Variants in RBFOX1 observed in about 807,000 individuals in gnomAD.
RBFOX1 encodes RNA binding fox-1 homolog 1, also known as RNA binding protein fox-1 homolog 1.
A neutral mutation model predicts 57.7 loss-of-function variants in RBFOX1; 8 were observed. The observed-to-expected ratio is 0.14, with a 90% CI of 0.08 to 0.25. RBFOX1 has a LOEUF of 0.25. RBFOX1 is among the 10% of genes least tolerant of loss of function. The probability of loss-of-function intolerance (pLI) is 1.00; values close to 1 mark genes in which losing one functional copy is unlikely to be tolerated. For synonymous variants in RBFOX1, 326 were observed against 222.4 expected (o/e 1.47, Z -4.15); for missense variants, 611 against 548.5 (o/e 1.11, Z -1.14).
chr16:6,083,207 T>C (rs898471340), intron 1 of RBFOX1, among the ~76,000 whole-genome samples: 3 of 152,142 alleles, frequency 2.0e-5, no homozygotes, highest in African/African-American at 4.8e-5. Context: ...TTCACCATGA[T>C]GGCCAAGCTG....
At chr16:5,274,251 A>G (rs2063087299) in intron 1 of RBFOX1, among the ~76,000 whole-genome samples, 2 of 152,278 alleles carry the variant, frequency 1.3e-5, no homozygotes, top group Non-Finnish European at 2.9e-5. Context: ...TTAGGTGTTC[A>G]GGTGGGGTTG....
chr16:5,649,694 G>T (rs559346343), intron 3 of RBFOX1, among the ~76,000 whole-genome samples: 13 of 152,088 alleles, frequency 8.5e-5, no homozygotes, highest in Non-Finnish European at 1.8e-4. Flanking sequence ...CAATATCCAC[G>T]CACAAAGTAC....
chr16:6,963,057 C>T (rs2083354781), intron 3 of RBFOX1, among the ~76,000 whole-genome samples: 1 of 152,142 alleles, frequency 6.6e-6, no homozygotes. Flanking sequence ...GTGTGAACTG[C>T]CCAAGTCAAA....
chr16:6,986,084 T>C (rs1392671950), intron 3 of RBFOX1, among the ~76,000 whole-genome samples: 1 of 151,636 alleles, frequency 6.6e-6, no homozygotes, highest in Non-Finnish European at 1.5e-5. Context: ...AAATGTGCAA[T>C]ATTTTTTCAA....
intron 5 of RBFOX1, among the ~76,000 whole-genome samples, chr16:7,564,324 G>T (rs995703357): frequency 1.3e-5 from 2 of 151,372 alleles, no homozygotes; most frequent in African/African-American, 4.9e-5. Flanking sequence ...TAGATCGCGA[G>T]GTCAGGAGTT....
chr16:5,455,498 C>G (rs2068602257), intron 1 of RBFOX1, among the ~76,000 whole-genome samples: 2 of 152,162 alleles, frequency 1.3e-5, no homozygotes, highest in Non-Finnish European at 1.5e-5. Context: ...TTTTCAAAAC[C>G]ACCCCAAGGA....
intron 3 of RBFOX1, among the ~76,000 whole-genome samples, chr16:5,827,521 G>C (rs2056107918): frequency 6.6e-6 from 1 of 151,136 alleles, no homozygotes; most frequent in Non-Finnish European, 1.5e-5. Flanking sequence ...TCTACATCAA[G>C]ACTCCGCAAG....
intron 4 of RBFOX1, among the ~76,000 whole-genome samples, chr16:5,911,990 G>A (rs1203414852): frequency 6.6e-6 from 1 of 152,144 alleles, no homozygotes; most frequent in Non-Finnish European, 1.5e-5. Context: ...GAAATTTGGA[G>A]ACAGGAAGAC....
Position 5,429,395 on chromosome 16 carries a change from C to T in RBFOX1, c.220-37821C>T, listed in dbSNP as rs117549454. Among the ~76,000 whole-genome samples the T allele has an allele frequency of 6.4e-3, 979 of 152,282 alleles. 6 individuals carry two copies. The highest frequency in any genetic ancestry group is 0.012 in the Non-Finnish European group (789 of 68,024). ...TCAGAGGCTCAGGCCTTAGGCGGGA[C>T]TCGGGGGAGAGTGAGTTTCTGATTG... is the stretch of plus-strand genomic sequence containing the variant. On this transcript the variant is annotated intron_variant, in intron 1 of 2. Transcript: ENST00000585867.
At chr16:7,234,786 C>G (rs1238863581) in intron 4 of RBFOX1, among the ~76,000 whole-genome samples, 2 of 151,782 alleles carry the variant, frequency 1.3e-5, no homozygotes, top group Non-Finnish European at 2.9e-5. Context: ...AGACTACATT[C>G]AAACTCATTT....
intron 1 of RBFOX1, among the ~76,000 whole-genome samples, chr16:5,327,541 C>G (rs2064615369): frequency 6.6e-6 from 1 of 152,186 alleles, no homozygotes; most frequent in Non-Finnish European, 1.5e-5. Flanking sequence ...TTTGCAGCAG[C>G]TGCTGCTTAA....
intron 3 of RBFOX1, among the ~76,000 whole-genome samples, chr16:7,005,252 C>G (rs1184630207): frequency 2.6e-5 from 4 of 152,108 alleles, no homozygotes; most frequent in Non-Finnish European, 4.4e-5. Flanking sequence ...AATAGCTTTC[C>G]CCTTACCTTT....
At chr16:5,882,254 C>A (rs1339603305) in intron 4 of RBFOX1, among the ~76,000 whole-genome samples, 5 of 152,156 alleles carry the variant, frequency 3.3e-5, no homozygotes, top group Non-Finnish European at 7.4e-5. Context: ...GAATTTTTCA[C>A]TCCCATTTTA....
chr16:7,221,691 C>A (rs1046533461), intron 4 of RBFOX1, among the ~76,000 whole-genome samples: 2 of 152,142 alleles, frequency 1.3e-5, no homozygotes, highest in South Asian at 2.1e-4. Flanking sequence ...TGTAAATTAT[C>A]CTGTTCTCCA....
At chr16:7,409,789 C>CT (rs58514548) in intron 4 of RBFOX1, among the ~76,000 whole-genome samples, 44,457 of 152,142 alleles carry the variant, frequency 0.29, 7,090 homozygotes, top group Middle Eastern at 0.4. Context: ...CTGGGCATTC[C>CT]TTGCTGAAGG....
intron 4 of RBFOX1, among the ~76,000 whole-genome samples, chr16:7,393,255 G>A (rs1182063755): frequency 1.3e-5 from 2 of 152,144 alleles, no homozygotes; most frequent in Non-Finnish European, 2.9e-5. Context: ...AAGAGCTATG[G>A]CCCATGCAGG....
intron 4 of RBFOX1, among the ~76,000 whole-genome samples, chr16:7,318,898 C>T (rs2096493190): frequency 6.6e-6 from 1 of 152,046 alleles, no homozygotes. Context: ...ACGAAGGCTG[C>T]TTAGCGAGGT....
intron 3 of RBFOX1, among the ~76,000 whole-genome samples, chr16:5,627,406 T>C (rs773341038): frequency 2.7e-5 from 4 of 145,786 alleles, no homozygotes; most frequent in Non-Finnish European, 4.4e-5. Context: ...CTTTTAACCA[T>C]AGTGATCTTG....
chr16:7,288,834 C>T (rs1346076050), intron 4 of RBFOX1, among the ~76,000 whole-genome samples: 1 of 152,180 alleles, frequency 6.6e-6, no homozygotes, highest in East Asian at 1.9e-4. Flanking sequence ...AAGCAAGGCT[C>T]CATCTCAAAA....
Sources: allele counts gnomAD v4.1 joint callset (sites outside exome capture counted in the v4.1 genomes callset), GRCh38; gene constraint gnomAD v4.1.1; transcripts MANE v1.5; gene names NCBI Gene and HGNC (gene_info 2026-07-23, HGNC 2026-07-21).